ITSN1: variants seen among roughly 807,000 people sequenced by gnomAD.
ITSN1 encodes intersectin 1, also known as intersectin-1.
ITSN1 carries 58 observed loss-of-function variants against 239.8 expected under a neutral mutation model. That is an observed-to-expected ratio of 0.24 (90% confidence interval 0.20 to 0.30). The LOEUF is 0.30. Among genes scored for constraint, ITSN1 ranks in the 10% least tolerant of loss-of-function variants. The probability of loss-of-function intolerance (pLI) is 1.00; values close to 1 mark genes in which losing one functional copy is unlikely to be tolerated. For synonymous variants in ITSN1, 780 were observed against 770.8 expected, an observed-to-expected ratio of 1.01 and a Z score of -0.20; for missense variants, 1,558 against 2,103.3, an observed-to-expected ratio of 0.74 and a Z score of 5.07.
At chr21:33,746,926 G>A (rs961026984) in intron 5 of ITSN1, among the ~76,000 whole-genome samples, 1 of 151,794 alleles carries the variant, frequency 6.6e-6, no homozygotes, top group Non-Finnish European at 1.5e-5. Flanking sequence ...GGCTGAGGTG[G>A]GCGGATCACC....
intron 5 of ITSN1, among the ~76,000 whole-genome samples, chr21:33,746,946 A>C (rs1395397620): frequency 1.3e-5 from 2 of 151,464 alleles, no homozygotes; most frequent in African/African-American, 4.9e-5. Context: ...CCGAGGTTAG[A>C]AGTTGGAGAC....
chr21:33,872,793 A>G (rs547934594), intron 33 of ITSN1, among the ~76,000 whole-genome samples: 4 of 152,292 alleles, frequency 2.6e-5, no homozygotes, highest in African/African-American at 9.6e-5. Context: ...CGGCCTCCCA[A>G]AGCAATTTTT....
At chr21:33,671,801 A>C (rs568060500) in intron 1 of ITSN1, among the ~76,000 whole-genome samples, 8 of 152,186 alleles carry the variant, frequency 5.3e-5, no homozygotes, top group African/African-American at 1.9e-4. Context: ...CAAATAAATA[A>C]ATAAATAAAT....
At chr21:33,727,334 G>C (rs1328054620) in intron 4 of ITSN1, among the ~76,000 whole-genome samples, 1 of 152,062 alleles carries the variant, frequency 6.6e-6, no homozygotes, top group Non-Finnish European at 1.5e-5. Context: ...ACGGGGTGAA[G>C]AGGCTGGATG....
At chr21:33,673,056 G>A (rs796317706) in intron 1 of ITSN1, among the ~76,000 whole-genome samples, 33 of 152,226 alleles carry the variant, frequency 2.2e-4, no homozygotes, top group African/African-American at 7.9e-4. Flanking sequence ...AATAAATTGG[G>A]GCATATACAT....
At chr21:33,817,509 C>G in intron 22 of ITSN1, 2 of 1,304,488 alleles carry the variant, frequency 1.5e-6, no homozygotes, top group Non-Finnish European at 2.0e-6. Context: ...GTAGGAACTC[C>G]TTTTTAGTAT....
At chr21:33,661,101 C>T (rs2089516723) in intron 1 of ITSN1, among the ~76,000 whole-genome samples, 2 of 152,212 alleles carry the variant, frequency 1.3e-5, no homozygotes, top group African/African-American at 2.4e-5. Flanking sequence ...CAAATTTTAT[C>T]ATGAACAGCA....
intron 2 of ITSN1, 143 bp from the exon 3 acceptor site, chr21:33,721,035 C>T (rs2065452918): frequency 1.8e-6 from 1 of 567,628 alleles, no homozygotes; most frequent in East Asian, 2.8e-5. Flanking sequence ...ATATGCATAA[C>T]TTCCAAGGAC....
chr21:33,783,218 A>G (rs185044767), intron 16 of ITSN1, among the ~76,000 whole-genome samples: 4 of 152,308 alleles, frequency 2.6e-5, no homozygotes, highest in African/African-American at 9.6e-5. Context: ...AAGCCAATTC[A>G]GCTTTTGACA....
At chr21:33,837,544 T>A (rs1180276746) in intron 29 of ITSN1, 17 of 985,786 alleles carry the variant, frequency 1.7e-5, no homozygotes, top group Non-Finnish European at 1.9e-5. Context: ...ACCATAGAAG[T>A]GCAGAGGAGT....
At chr21:33,734,986 T>C in intron 4 of ITSN1, 58 bp from the exon 5 acceptor site, 2 of 1,491,846 alleles carry the variant, frequency 1.3e-6, no homozygotes, top group Non-Finnish European at 1.8e-6. Context: ...GGAGTGGTGG[T>C]TTTGGAAAGG....
chr21:33,725,310 A>G (rs1235100348), intron 4 of ITSN1, among the ~76,000 whole-genome samples: 1 of 151,160 alleles, frequency 6.6e-6, no homozygotes, highest in African/African-American at 2.4e-5. Flanking sequence ...TGATTTTGGT[A>G]TTTTTAGTAG....
chr21:33,896,340 T>C lies in ITSN1; in HGVS notation c.*8040T>C. On this transcript the variant is annotated 3_prime_UTR_variant, in exon 40 of 40. Transcript: ENST00000381318. ...AAACCCTTCCTCTGGGCCTTGGGCATCCACTGGGAGCTTTTCTCCCCTTTC... is the reference window on the plus strand; with the variant it reads ...AAACCCTTCCTCTGGGCCTTGGGCACCCACTGGGAGCTTTTCTCCCCTTTC... 6.6e-6 allele frequency: 1 copy of C among 152,470 alleles called. No homozygotes were observed. The highest frequency in any genetic ancestry group is 1.5e-5 in the Non-Finnish European group (1 of 68,152). The allele number at this position is 152,470 out of a possible 1,614,324, so 9.4% of individuals were successfully genotyped here.
rs555903114 is a variant in ITSN1 at position 33,710,084 on chromosome 21, T to G, written c.-32-8713T>G. The stretch of plus-strand genomic sequence containing the variant: ...TTGCTGAGAGGCATTTTTTTTTGTT[T>G]TTTTTTTTTTTTGAGACAGAGTCTC... On this transcript the variant is annotated intron_variant, in intron 1 of 39. Transcript: ENST00000381318. Among the ~76,000 whole-genome samples, 449 of 150,676 alleles carry G rather than the reference T, an allele frequency of 3.0e-3. 1 individual carries two copies. The highest frequency in any genetic ancestry group is 5.0e-3 in the Non-Finnish European group (339 of 67,586).
chr21:33,816,720 G>A (rs73900369), intron 22 of ITSN1, among the ~76,000 whole-genome samples: 2,920 of 152,262 alleles, frequency 0.019, 95 homozygotes, highest in African/African-American at 0.066. Context: ...GTGGCGGAGA[G>A]GATTAGACAG....
intron 21 of ITSN1, among the ~76,000 whole-genome samples, chr21:33,811,503 G>A (rs1383747493): frequency 6.6e-6 from 1 of 152,196 alleles, no homozygotes; most frequent in Non-Finnish European, 1.5e-5. Flanking sequence ...TGTGGAAGAA[G>A]TGGAGAAATA....
At chr21:33,856,712 C>G in intron 29 of ITSN1, 24 bp from the exon 30 acceptor site, 1 of 1,612,804 alleles carries the variant, frequency 6.2e-7, no homozygotes, top group Admixed American at 1.7e-5. Flanking sequence ...GTGCTAAGTT[C>G]TCCCAAATGG....
At chr21:33,647,485 G>A (rs1436273703) in intron 1 of ITSN1, among the ~76,000 whole-genome samples, 1 of 151,644 alleles carries the variant, frequency 6.6e-6, no homozygotes, top group African/African-American at 2.4e-5. Context: ...ATGGATCTAT[G>A]GTAGTTTTTT....
chr21:33,727,096 G>A (rs183301541), intron 4 of ITSN1, among the ~76,000 whole-genome samples: 2 of 152,158 alleles, frequency 1.3e-5, no homozygotes, highest in East Asian at 1.9e-4. Context: ...CTTAATTCTC[G>A]GAGGATGGAG....
Sources: gnomAD v4.1 joint callset for allele counts (sites outside exome capture counted in the v4.1 genomes callset) on GRCh38, gnomAD v4.1.1 for gene constraint, MANE v1.5 for transcripts, NCBI Gene and HGNC (gene_info 2026-07-23, HGNC 2026-07-21) for gene names.